Variants in FAM98A observed in about 807,000 individuals in gnomAD.
FAM98A encodes the protein tRNA splicing ligase complex subunit 3A.
A neutral mutation model predicts 62.9 loss-of-function variants in FAM98A; 25 were observed. The ratio of observed to expected loss-of-function variants is 0.40; its 90% CI spans 0.29 to 0.56. The LOEUF (loss-of-function observed/expected upper bound fraction) is 0.56. Ranked by LOEUF, FAM98A falls within the 20% of genes least tolerant of loss-of-function variation. The pLI, the probability that FAM98A is intolerant of heterozygous loss-of-function variation, is 0.51. For synonymous variants in FAM98A, 252 were observed against 228.6 expected, an observed-to-expected ratio of 1.10 and a Z score of -0.92; for missense variants, 653 against 640.7, an observed-to-expected ratio of 1.02 and a Z score of -0.21.
At chr2:33,595,993 T>C (rs1572420606) in intron 1 of FAM98A, among the ~76,000 whole-genome samples, 1 of 152,194 alleles carries the variant, frequency 6.6e-6, no homozygotes, top group South Asian at 2.1e-4. Flanking sequence ...TAACAAGTAA[T>C]AGCTAATTAT....
In FAM98A at chr2:33,585,695, G is replaced by C. The variant is rs1344059897; in HGVS notation, c.723C>G (p.Ser241Arg). ...AAACCTTGGCTAATTTTTCTGTCTG[G>C]CTCTGTTGAAAGAAAAGTGTTCAAA... ...QSFGWSDRAK[S>R]QTEKLAKVYQ... The change falls in exon 7 of 8, where the codon AGC becomes AGG. Residue 241 changes from serine to arginine, a missense_variant and splice_region_variant. Physicochemically the swap from Ser to Arg is moderately radical, Grantham distance 110. Coordinates refer to ENST00000238823, the MANE Select transcript of FAM98A (RefSeq NM_015475.5). 1.2e-6 allele frequency: 2 copies of C among 1,608,928 alleles called. No individual in the cohort carries two copies. The highest frequency in any genetic ancestry group is 1.1e-5 in the South Asian group (1 of 89,896).
rs144548996 is a variant in FAM98A at position 33,594,561 on chromosome 2, TTATATA to T, written c.202+922_202+927del. Among the ~76,000 whole-genome samples, 155 of 40,552 alleles carry T rather than the reference TTATATA, an allele frequency of 3.8e-3. 20 individuals carry two copies. The highest frequency in any genetic ancestry group is 0.021 in the African/African-American group (114 of 5,340). The allele number at this position is 40,552 out of a possible 152,430, so 26.6% of individuals were successfully genotyped here. ...AAAAAAAAAAAAAAAAAAAAAAAAA[TTATATA>T]TATATATATACACACACACACACAC... is the stretch of plus-strand genomic sequence containing the variant. On this transcript the variant is annotated intron_variant, in intron 2 of 7. Coordinates refer to ENST00000238823, the MANE Select transcript of FAM98A (RefSeq NM_015475.5).
chr2:33,587,465 C>T (rs1677582402), intron 4 of FAM98A, 145 bp from the exon 5 acceptor site: 1 of 660,090 alleles, frequency 1.5e-6, no homozygotes, highest in South Asian at 1.8e-5. Context: ...ATGTAAAAGA[C>T]CCACAAGATA....
Position 33,594,668 on chromosome 2 carries a change from C to CAT in FAM98A, c.202+819_202+820dup, listed in dbSNP as rs1162460699. ...ATATATATACACACATATATATACACATATATATATACACACATATATATA... is the reference window on the plus strand; with the variant it reads ...ATATATATACACACATATATATACACATATATATATATACACACATATATATA... On this transcript the variant is annotated intron_variant, in intron 2 of 7. Transcript: ENST00000238823. Among the ~76,000 whole-genome samples the CAT allele has an allele frequency of 1.1e-4, 13 of 114,056 alleles. 4 individuals carry two copies. The highest frequency in any genetic ancestry group is 7.7e-4 in the Admixed American group (9 of 11,628). The allele number at this position is 114,056 out of a possible 152,430, so 74.8% of individuals were successfully genotyped here.
intron 4 of FAM98A, among the ~76,000 whole-genome samples, chr2:33,587,883 A>G (rs895514407): frequency 1.3e-5 from 2 of 151,420 alleles, no homozygotes; most frequent in East Asian, 1.9e-4. Context: ...CAACAAATCT[A>G]TTTTGTCAAT....
rs565431796 is a variant in FAM98A at position 33,599,260 on chromosome 2, C to A, written c.-39G>T. On this transcript the variant is annotated 5_prime_UTR_variant, in exon 1 of 8. Transcript: ENST00000238823. ...TCAAATTTCCGAGTCGTCAGGCTCC[C>A]CTCTTCGCCGGCAACGCGTACACTC... 1 of 1,571,588 alleles carries A rather than the reference C, an allele frequency of 6.4e-7. No individual in the cohort carries two copies. The highest frequency in any genetic ancestry group is 1.3e-5 in the African/African-American group (1 of 74,150).
In FAM98A at chr2:33,592,171, T is replaced by C. The variant is rs1196769021; in HGVS notation, c.246A>G (p.Leu82=). Residue 82 remains leucine (L), a synonymous_variant, in exon 3 of 8, where the codon CTA becomes CTG. Transcript: ENST00000238823. The part of the protein sequence containing the change: ...AEEFQLEVSG[L]LGEMNCPYLS... ...GATACGGGCAGTTCATCTCCCCTAGTAGCCCACTCACCTCAAGCTGGAATT... is the reference window on the plus strand; with the variant it reads ...GATACGGGCAGTTCATCTCCCCTAGCAGCCCACTCACCTCAAGCTGGAATT... 1.2e-6 allele frequency: 2 copies of C among 1,613,094 alleles called. No homozygotes were observed. Among genetic ancestry groups the C allele is most frequent in the Non-Finnish European group, 1.7e-6 (2 of 1,179,186 alleles).
intron 1 of FAM98A, 54 bp from the exon 2 acceptor site, chr2:33,595,691 T>C: frequency 7.4e-7 from 1 of 1,347,490 alleles, no homozygotes; most frequent in Non-Finnish European, 1.0e-6. Flanking sequence ...CCTAATATAT[T>C]ACAGATAAAA....
intron 2 of FAM98A, among the ~76,000 whole-genome samples, chr2:33,592,906 C>T (rs1395430737): frequency 3.3e-5 from 5 of 152,198 alleles, no homozygotes; most frequent in Non-Finnish European, 7.3e-5. Flanking sequence ...AATAGCCAGT[C>T]TTATTTCCAC....
intron 3 of FAM98A, chr2:33,588,870 A>C (rs1677613699): frequency 6.2e-6 from 1 of 160,402 alleles, no homozygotes; most frequent in Non-Finnish European, 1.3e-5. Flanking sequence ...TTGCAAAAGA[A>C]GGCAGGTGAC....
At position 33,586,577 on chromosome 2, in the gene FAM98A, C is replaced by T. The variant is rs1677560752; in HGVS notation, c.705G>A (p.Trp235Ter). The stretch of plus-strand genomic sequence containing the variant: ...TAATGTGTACCTTAGCTCTGTCAGA[C>T]CAGCCAAAGGATTGTACAGTGACAT... ...RLDVTVQSFG[W>*]SDRAKSQTEK... Residue 235 changes from tryptophan (W) to a stop codon, truncating the protein, a stop_gained, in exon 6 of 8, where the codon TGG becomes TGA. Coordinates refer to ENST00000238823, the MANE Select transcript of FAM98A (RefSeq NM_015475.5). LOFTEE classifies it high-confidence loss of function. 1 of 1,606,964 alleles carries T rather than the reference C, an allele frequency of 6.2e-7. No individual in the cohort carries two copies. Among genetic ancestry groups the T allele is most frequent in the African/African-American group, 1.3e-5 (1 of 74,740 alleles).
Position 33,584,937 on chromosome 2 carries a change from C to T in FAM98A, c.1396G>A (p.Gly466Ser). The T allele has an allele frequency of 6.2e-7, 1 of 1,614,048 alleles. No homozygotes were observed. The highest frequency in any genetic ancestry group is 8.5e-7 in the Non-Finnish European group (1 of 1,180,004). Residue 466 changes from glycine to serine, a missense_variant, in exon 8 of 8, where the codon GGT becomes AGT. Gly to Ser is a moderately conservative substitution (Grantham distance 56). Transcript: ENST00000238823. ...GCACGACCACCTCGGCCTCCACGAC[C>T]ACCTCGCCCACCACGACCACCACCA... ...DRGGGRGGRG[G>S]RGGRGGRAGQ...
At position 33,585,601 on chromosome 2, in the gene FAM98A, G is replaced by A; in HGVS notation, c.817C>T (p.Gln273Ter). 6.2e-7 allele frequency: 1 copy of A among 1,614,118 alleles called. No individual in the cohort carries two copies. Among genetic ancestry groups the A allele is most frequent in the Non-Finnish European group, 8.5e-7 (1 of 1,180,034 alleles). ...ISVAHLLAARQDLSKILRTSS... is the reference protein window; with the variant it reads ...ISVAHLLAAR ...GTCCTTAAAATCTTTGACAAGTCCT[G>A]CCTTGCAGCCAAAAGATGGGCAACA... Residue 273 changes from glutamine to a stop codon, truncating the protein, a stop_gained, in exon 7 of 8, where the codon CAG (glutamine) becomes TAG (stop). Coordinates refer to ENST00000238823, the MANE Select transcript of FAM98A (RefSeq NM_015475.5). LOFTEE classifies it high-confidence loss of function.
rs200489213 is a variant in FAM98A at position 33,585,094 on chromosome 2, G to T, written c.1239C>A (p.His413Gln). ...CTCCGCCTTGATAGCCACCACTGCTGTGGCCACCATGATAGCCACCTGGCT... is the reference window on the plus strand; with the variant it reads ...CTCCGCCTTGATAGCCACCACTGCTTTGGCCACCATGATAGCCACCTGGCT... ...GFQPGGYHGGHSSGGYQGGGY... is the reference protein window; with the variant it reads ...GFQPGGYHGGQSSGGYQGGGY... The change falls in exon 8 of 8, where the codon CAC becomes CAA. Residue 413 changes from histidine (H) to glutamine (Q), a missense_variant. His to Gln is a conservative substitution (Grantham distance 24). Coordinates refer to ENST00000238823, the MANE Select transcript of FAM98A (RefSeq NM_015475.5). The T allele has an allele frequency of 3.1e-4, 505 of 1,614,028 alleles. No homozygotes were observed. Among genetic ancestry groups the T allele is most frequent in the Non-Finnish European group, 4.1e-4 (486 of 1,180,034 alleles).
intron 3 of FAM98A, among the ~76,000 whole-genome samples, chr2:33,590,352 C>G (rs1451544308): frequency 2.0e-5 from 3 of 152,048 alleles, no homozygotes; most frequent in African/African-American, 2.4e-5. Flanking sequence ...TGTTTTCCCC[C>G]CTAAAATACA....
rs1295967841 is a variant in FAM98A, at chr2:33,585,269, T to TCATGACCTCCTCGTC, written c.1049_1063dup (p.Gly350_His354dup). The TCATGACCTCCTCGTC allele has an allele frequency of 6.2e-7, 1 of 1,614,008 alleles. No individual in the cohort carries two copies. Among genetic ancestry groups the TCATGACCTCCTCGTC allele is most frequent in the East Asian group, 2.2e-5 (1 of 44,866 alleles). On this transcript the variant is annotated inframe_insertion, in exon 8 of 8. Transcript: ENST00000238823. ...ACGTCCACCTCTCCCGCCTCCTTGTTCATGACCTCCTCGTCCTCCGTATGA... is the reference window on the plus strand; with the variant it reads ...ACGTCCACCTCTCCCGCCTCCTTGTTCATGACCTCCTCGTCCATGACCTCCTCGTCCTCCGTATGA...
intron 2 of FAM98A, among the ~76,000 whole-genome samples, chr2:33,592,989 C>A (rs1375905194): frequency 6.6e-6 from 1 of 152,188 alleles, no homozygotes; most frequent in African/African-American, 2.4e-5. Flanking sequence ...CAAATCCCAC[C>A]CATCCATCAA....
intron 3 of FAM98A, 97 bp downstream of exon 3, chr2:33,591,983 A>G (rs920282335): frequency 9.2e-7 from 1 of 1,083,668 alleles, no homozygotes; most frequent in Non-Finnish European, 1.3e-6. Flanking sequence ...AATTACATTC[A>G]TAATGAAATA....
At chr2:33,594,797 C>T (rs1182283780) in intron 2 of FAM98A, among the ~76,000 whole-genome samples, 2 of 151,722 alleles carry the variant, frequency 1.3e-5, no homozygotes, top group Non-Finnish European at 2.9e-5. Context: ...TATAGCTCTC[C>T]ATAAGGGTGG....
Sources: gnomAD v4.1 joint callset for allele counts (sites outside exome capture counted in the v4.1 genomes callset) on GRCh38, gnomAD v4.1.1 for gene constraint, MANE v1.5 for transcripts, NCBI Gene and HGNC (gene_info 2026-07-23, HGNC 2026-07-21) for gene names.